The following PPME1 variants were observed in gnomAD, a reference collection of about 807,000 sequenced individuals.
PPME1 encodes testicular secretory protein Li 39.
A neutral mutation model predicts 56.9 loss-of-function variants in PPME1; 17 were observed. That is an observed-to-expected ratio of 0.30 (90% CI 0.20 to 0.45). PPME1 has a LOEUF of 0.45. Ranked by LOEUF, PPME1 falls within the 20% of genes least tolerant of loss-of-function variation. The pLI is 1.00. For synonymous variants in PPME1, 122 were observed against 156.2 expected (o/e 0.78, Z 1.63); for missense variants, 357 against 483.2 (o/e 0.74, Z 2.45).
chr11:74,246,149 G>A lies in PPME1; in HGVS notation c.908G>A (p.Arg303Gln), dbSNP rs1048253176. ...GAAAAATACTGGGACGGCTGGTTCC[G>A]AGGCTTATCCAATCTCTTTCTTAGT... ...KTEKYWDGWF[R>Q]GLSNLFLSCP... Residue 303 changes from arginine to glutamine, a missense_variant, in exon 10 of 14, where the codon CGA becomes CAA. Arg to Gln is a conservative substitution (Grantham distance 43). This residue lies in a region of PPME1 where 182 missense variants were observed against 293.8 expected (regional missense o/e 0.62). Coordinates refer to ENST00000328257, the MANE Select transcript of PPME1 (RefSeq NM_016147.3). 5.1e-6 allele frequency: 8 copies of A among 1,554,470 alleles called. No homozygotes were observed. The highest frequency in any genetic ancestry group is 2.4e-5 in the South Asian group (2 of 84,144).
intron 1 of PPME1, among the ~76,000 whole-genome samples, chr11:74,190,604 G>A (rs1004447119): frequency 6.6e-6 from 1 of 152,170 alleles, no homozygotes; most frequent in Non-Finnish European, 1.5e-5. Flanking sequence ...GTGCAAGAAT[G>A]GACAACACAG....
chr11:74,236,038 T>C, intron 8 of PPME1, 72 bp downstream of exon 8: 1 of 1,563,854 alleles, frequency 6.4e-7, no homozygotes, highest in Non-Finnish European at 8.7e-7. Context: ...ATTGCTTCTT[T>C]TGTCTTACAC....
At chr11:74,188,828 T>A (rs1271083226) in intron 1 of PPME1, among the ~76,000 whole-genome samples, 4 of 152,228 alleles carry the variant, frequency 2.6e-5, no homozygotes, top group Admixed American at 1.3e-4. Flanking sequence ...GTTTTTAAAG[T>A]CACTTGGAAT....
intron 11 of PPME1, chr11:74,249,652 G>C (rs553110764): frequency 1.1e-4 from 16 of 152,172 alleles, no homozygotes; most frequent in Non-Finnish European, 2.1e-4. Flanking sequence ...GCCCTACCCT[G>C]TGTTAGGTCT....
intron 1 of PPME1, among the ~76,000 whole-genome samples, chr11:74,172,504 A>T (rs140034937): frequency 1.3e-3 from 192 of 152,346 alleles, no homozygotes; most frequent in Non-Finnish European, 2.4e-3. Flanking sequence ...TGAATTAGTG[A>T]AGCATTGGGA....
rs552656331 is a variant in PPME1 at position 74,217,784 on chromosome 11, A to G, written c.289-4528A>G. On this transcript the variant is annotated intron_variant, in intron 3 of 13. Transcript: ENST00000328257. ...CTGAGTATAGAAGGAATGTAACACAATAAAAGCCATATACAATAGACCCAC... is the reference window on the plus strand; with the variant it reads ...CTGAGTATAGAAGGAATGTAACACAGTAAAAGCCATATACAATAGACCCAC... Among the ~76,000 whole-genome samples, 23 of 152,274 alleles carry G rather than the reference A, an allele frequency of 1.5e-4. No homozygotes were observed. The South Asian group carries it at 4.8e-3, about 32-fold the overall frequency.
Position 74,253,825 on chromosome 11 carries a change from C to A in PPME1, c.*315C>A. 9.9e-6 allele frequency: 5 copies of A among 507,038 alleles called. No homozygotes were observed. The highest frequency in any genetic ancestry group is 1.8e-5 in the Non-Finnish European group (5 of 285,296). 31.4% of individuals were successfully genotyped at this position (507,038 alleles called of 1,614,324 possible). ...CCTCCAGATTTGCCATACTGAGCCC[C>A]TCTTCCTAGCATCAGGCGATACATC... On this transcript the variant is annotated 3_prime_UTR_variant, in exon 14 of 14. Transcript: ENST00000328257.
chr11:74,212,075 A>G (rs929752898), intron 3 of PPME1, among the ~76,000 whole-genome samples: 6 of 152,230 alleles, frequency 3.9e-5, no homozygotes, highest in African/African-American at 1.2e-4. Context: ...ATTTATCTTC[A>G]TATCACTTAA....
chr11:74,174,468 T>C (rs1265149806), intron 1 of PPME1, among the ~76,000 whole-genome samples: 1 of 152,246 alleles, frequency 6.6e-6, no homozygotes, highest in African/African-American at 2.4e-5. Flanking sequence ...CTTGCTTTTT[T>C]CTTAACTTCC....
At chr11:74,242,299 T>C (rs1565395365) in intron 9 of PPME1, among the ~76,000 whole-genome samples, 1 of 152,222 alleles carries the variant, frequency 6.6e-6, no homozygotes, top group South Asian at 2.1e-4. Context: ...ATGTTAGATT[T>C]TATTTCTGAA....
At chr11:74,183,646 TTG>T (rs1225983969) in intron 1 of PPME1, among the ~76,000 whole-genome samples, 1 of 152,176 alleles carries the variant, frequency 6.6e-6, no homozygotes, top group African/African-American at 2.4e-5. Context: ...TGATAAAGTA[TTG>T]TGTCATACTT....
intron 1 of PPME1, among the ~76,000 whole-genome samples, chr11:74,183,906 T>C (rs570753371): frequency 2.0e-5 from 3 of 152,318 alleles, no homozygotes; most frequent in Admixed American, 6.5e-5. Context: ...AATGGAAACA[T>C]CACATTTTCC....
chr11:74,190,753 ACTT>A (rs1857814480), intron 1 of PPME1, among the ~76,000 whole-genome samples: 1 of 152,212 alleles, frequency 6.6e-6, no homozygotes. Flanking sequence ...AAAGTTTGGA[ACTT>A]CTTAAAGACT....
Position 74,230,437 on chromosome 11 carries a change from T to TTA in PPME1, c.553+41_553+42dup, listed in dbSNP as rs761779783. ...AGCACTGACCAAATCAGGATTTCAC[T>TTA]TATAAGAGACATCCTTGGTAGATTA... is the stretch of plus-strand genomic sequence containing the variant. On this transcript the variant is annotated intron_variant, in intron 6 of 13. Coordinates refer to ENST00000328257, the MANE Select transcript of PPME1 (RefSeq NM_016147.3). This position sits in a 1 kb window ranked among gnomAD's most constrained non-coding sequence, Gnocchi z 4.9. The TTA allele has an allele frequency of 6.2e-7, 1 of 1,600,820 alleles. No individual in the cohort carries two copies. The highest frequency in any genetic ancestry group is 8.5e-7 in the Non-Finnish European group (1 of 1,170,124).
At chr11:74,222,479 C>G in intron 4 of PPME1, 110 bp downstream of exon 4, 1 of 963,174 alleles carries the variant, frequency 1.0e-6, no homozygotes, top group Non-Finnish European at 1.6e-6. Flanking sequence ...CTGGTCTATT[C>G]CATTTGAGCT....
chr11:74,253,045 T>G (rs1859744132), intron 13 of PPME1, among the ~76,000 whole-genome samples: 1 of 152,180 alleles, frequency 6.6e-6, no homozygotes, highest in South Asian at 2.1e-4. Context: ...CTCAGAAAGT[T>G]TGCAGAAGAA....
At chr11:74,214,026 GAT>G (rs1426428180) in intron 3 of PPME1, among the ~76,000 whole-genome samples, 1 of 152,220 alleles carries the variant, frequency 6.6e-6, no homozygotes, top group African/African-American at 2.4e-5. Context: ...GAGAGACAGA[GAT>G]ATGTGACCTT....
intron 1 of PPME1, among the ~76,000 whole-genome samples, chr11:74,189,486 G>C (rs1249423201): frequency 6.6e-6 from 1 of 152,022 alleles, no homozygotes; most frequent in Non-Finnish European, 1.5e-5. Context: ...ACAGTGTTTT[G>C]CCATGTTGCC....
intron 1 of PPME1, among the ~76,000 whole-genome samples, chr11:74,182,137 A>G (rs1395435328): frequency 6.6e-6 from 1 of 152,130 alleles, no homozygotes. Flanking sequence ...AAATCAACAA[A>G]CTAGGATTCT....
Sources: gnomAD v4.1 joint callset for allele counts (sites outside exome capture counted in the v4.1 genomes callset) on GRCh38, gnomAD v4.1.1 for gene constraint, gnomAD v4.1.1 regional missense constraint, Gnocchi (gnomAD v3.1) non-coding constraint, MANE v1.5 for transcripts, NCBI Gene and HGNC (gene_info 2026-07-23, HGNC 2026-07-21) for gene names.